Variants in TRIP4 observed in about 807,000 individuals in gnomAD.
TRIP4 encodes thyroid hormone receptor interactor 4.
Under a neutral mutation model 81.8 loss-of-function variants are expected in TRIP4, and 54 were observed. That is an observed-to-expected ratio of 0.66 (90% CI 0.53 to 0.83). TRIP4 has a LOEUF of 0.83. Ranked by LOEUF, TRIP4 falls within the 40% of genes least tolerant of loss-of-function variation. The pLI, the probability that TRIP4 is intolerant of heterozygous loss-of-function variation, is 0.00. For synonymous variants in TRIP4, 270 were observed against 242.8 expected, an observed-to-expected ratio of 1.11 and a Z score of -1.04; for missense variants, 662 against 683.6, an observed-to-expected ratio of 0.97 and a Z score of 0.35.
chr15:64,454,128 G>A (rs201045072), intron 12 of TRIP4, among the ~76,000 whole-genome samples: 18 of 143,282 alleles, frequency 1.3e-4, no homozygotes, highest in African/African-American at 4.6e-4. Context: ...TTTTTTTTTT[G>A]TTTTCTTTTT....
rs114603361 is a variant in TRIP4, at chr15:64,421,441, T to C, written c.1359-2590T>C. ...AACCTCCACCTTCCAGGTTAAAGCA[T>C]TCTCCAGCCTCAGCCTCTCGAGTAG... On this transcript the variant is annotated intron_variant, in intron 9 of 12. Transcript: ENST00000261884. 5.8e-3 allele frequency among the ~76,000 whole-genome samples: 875 copies of C among 151,480 alleles called. 8 individuals are homozygous for C. The highest frequency in any genetic ancestry group is 0.019 in the African/African-American group (784 of 41,406).
chr15:64,388,762 C>T (rs978865907), intron 1 of TRIP4, among the ~76,000 whole-genome samples: 2 of 152,126 alleles, frequency 1.3e-5, no homozygotes, highest in African/African-American at 2.4e-5. Context: ...ATTCTGTTGT[C>T]GTTTACCTGT....
chr15:64,427,047 T>G (rs781022734), intron 11 of TRIP4, among the ~76,000 whole-genome samples: 82 of 152,214 alleles, frequency 5.4e-4, no homozygotes, highest in Non-Finnish European at 1.1e-3. Context: ...AAAGTACATT[T>G]TTGAGCAGCA....
chr15:64,425,585 G>A lies in TRIP4; in HGVS notation c.1529G>A (p.Cys510Tyr). ...TATCCGTCAGGTTGTCTTCTGGGCT[G>A]TGTGGACCTAATTGACTGCTTGTCC... ...NDYPSGCLLG[C>Y]VDLIDCLSQK... The change falls in exon 11 of 13, where the codon TGT (cysteine) becomes TAT (tyrosine). Residue 510 changes from cysteine (C) to tyrosine (Y), a missense_variant. By Grantham distance (194) the Cys-to-Tyr change is radical. Transcript: ENST00000261884. 1.2e-6 allele frequency: 2 copies of A among 1,612,772 alleles called. No individual in the cohort carries two copies. The highest frequency in any genetic ancestry group is 1.7e-6 in the Non-Finnish European group (2 of 1,179,382).
chr15:64,450,675 G>T, intron 12 of TRIP4: 1 of 456,016 alleles, frequency 2.2e-6, no homozygotes, highest in South Asian at 1.5e-5. Flanking sequence ...GCAGCCTAGA[G>T]GATGAAAGAA....
intron 5 of TRIP4, among the ~76,000 whole-genome samples, chr15:64,404,741 G>T (rs1284144946): frequency 6.6e-6 from 1 of 151,230 alleles, no homozygotes; most frequent in Non-Finnish European, 1.5e-5. Context: ...TTTTTAGACG[G>T]TCTCTGTCAG....
intron 11 of TRIP4, among the ~76,000 whole-genome samples, chr15:64,441,995 G>A (rs1383847263): frequency 1.3e-5 from 2 of 152,114 alleles, no homozygotes; most frequent in Non-Finnish European, 2.9e-5. Context: ...CAAAAAACCT[G>A]AGGCAGGAAC....
At chr15:64,425,904 A>G (rs1162052743) in intron 11 of TRIP4, among the ~76,000 whole-genome samples, 1 of 152,148 alleles carries the variant, frequency 6.6e-6, no homozygotes, top group African/African-American at 2.4e-5. Context: ...TAACACAGTG[A>G]AACCCCATCT....
intron 1 of TRIP4, among the ~76,000 whole-genome samples, chr15:64,389,533 A>C (rs1372477775): frequency 6.6e-6 from 1 of 152,154 alleles, no homozygotes; most frequent in Non-Finnish European, 1.5e-5. Flanking sequence ...ACAACAAAAC[A>C]AAACAGCGAA....
At chr15:64,418,841 T>C in intron 9 of TRIP4, 113 bp downstream of exon 9, 1 of 974,064 alleles carries the variant, frequency 1.0e-6, no homozygotes, top group Non-Finnish European at 1.4e-6. Context: ...TATAATACTC[T>C]TCAATAAATA....
rs560723106 is a variant in TRIP4, at chr15:64,387,904, A to T, written c.41A>T (p.His14Leu). The T allele has an allele frequency of 1.9e-6, 3 of 1,550,428 alleles. No homozygotes were observed. The highest frequency in any genetic ancestry group is 4.9e-5 in the East Asian group (2 of 40,950). Residue 14 changes from histidine (H) to leucine (L), a missense_variant, in exon 1 of 13, where the codon CAC (histidine) becomes CTC (leucine). His to Leu is a moderately conservative substitution (Grantham distance 99). Transcript: ENST00000261884. ...GCGGTGTCCGGGGAGCCGCTGGTGC[A>T]CTGGTGCACCCAGCAGTTGCGGAAG... ...AGAVSGEPLV[H>L]WCTQQLRKTF... is the part of the protein sequence containing the mutation.
At chr15:64,452,602 G>C (rs150426600) in intron 12 of TRIP4, among the ~76,000 whole-genome samples, 9 of 152,254 alleles carry the variant, frequency 5.9e-5, no homozygotes, top group African/African-American at 2.2e-4. Context: ...TAATAATTCT[G>C]TGTGTTAGTA....
chr15:64,390,562 A>C (rs1900096110), intron 1 of TRIP4, among the ~76,000 whole-genome samples: 1 of 152,118 alleles, frequency 6.6e-6, no homozygotes. Flanking sequence ...TCTAGAATCC[A>C]GTTGTATTTT....
chr15:64,419,607 C>T (rs1053642846), intron 9 of TRIP4, among the ~76,000 whole-genome samples: 2 of 151,988 alleles, frequency 1.3e-5, no homozygotes, highest in Non-Finnish European at 2.9e-5. Context: ...ATCCGCCCGC[C>T]TCGGCCTCCC....
intron 8 of TRIP4, among the ~76,000 whole-genome samples, chr15:64,416,916 C>G (rs1891900791): frequency 6.6e-6 from 1 of 152,190 alleles, no homozygotes; most frequent in South Asian, 2.1e-4. Context: ...CAACTTCATC[C>G]TTTTCCAGTT....
chr15:64,425,704 T>C, intron 11 of TRIP4, 73 bp downstream of exon 11: 1 of 1,242,298 alleles, frequency 8.0e-7, no homozygotes, highest in Non-Finnish European at 1.1e-6. Context: ...TGAAAGCACT[T>C]TAAGAGGCTG....
At chr15:64,400,293 C>T (rs1178485803) in intron 4 of TRIP4, among the ~76,000 whole-genome samples, 1 of 151,058 alleles carries the variant, frequency 6.6e-6, no homozygotes, top group East Asian at 2.0e-4. Flanking sequence ...GAAGTCCCAG[C>T]TCCTAAGTAG....
At chr15:64,408,215 G>C (rs1169363533) in intron 6 of TRIP4, among the ~76,000 whole-genome samples, 2 of 145,728 alleles carry the variant, frequency 1.4e-5, no homozygotes, top group Non-Finnish European at 3.0e-5. Context: ...TGGAATTACA[G>C]GTGTGAGCCA....
chr15:64,449,855 A>G (rs1271852699), intron 12 of TRIP4, among the ~76,000 whole-genome samples: 1 of 152,202 alleles, frequency 6.6e-6, no homozygotes, highest in Non-Finnish European at 1.5e-5. Context: ...AACCATGTGA[A>G]AATTCCTATG....
Sources: allele counts gnomAD v4.1 joint callset (sites outside exome capture counted in the v4.1 genomes callset), GRCh38; gene constraint gnomAD v4.1.1; transcripts MANE v1.5; gene names NCBI Gene and HGNC (gene_info 2026-07-23, HGNC 2026-07-21).